EPHB2: variants seen among roughly 807,000 people sequenced by gnomAD.
The protein encoded by EPHB2 is ephrin type-B receptor 2.
Under a neutral mutation model 96.4 loss-of-function variants are expected in EPHB2, and 18 were observed. The ratio of observed to expected loss-of-function variants is 0.19; its 90% CI spans 0.13 to 0.28. The LOEUF (loss-of-function observed/expected upper bound fraction) is 0.28, where lower values mean the gene tolerates loss of function less well. Ranked by LOEUF, EPHB2 falls within the 10% of genes least tolerant of loss-of-function variation. The pLI is 1.00. For synonymous variants in EPHB2, 506 were observed against 534.1 expected, an observed-to-expected ratio of 0.95 and a Z score of 0.72; for missense variants, 989 against 1,355.4, an observed-to-expected ratio of 0.73 and a Z score of 4.25.
At chr1:22,729,922 T>C (rs1033849437) in intron 1 of EPHB2, among the ~76,000 whole-genome samples, 1 of 152,214 alleles carries the variant, frequency 6.6e-6, no homozygotes, top group Admixed American at 6.5e-5. Context: ...AATGAATGAA[T>C]GCACGGCTCT....
intron 3 of EPHB2, among the ~76,000 whole-genome samples, chr1:22,815,377 A>G (rs1463310775): frequency 6.6e-6 from 1 of 152,266 alleles, no homozygotes; most frequent in Admixed American, 6.5e-5. Flanking sequence ...CAAGGCCCAT[A>G]GAAAAGAAAT....
chr1:22,755,509 T>A (rs4655100), intron 1 of EPHB2, among the ~76,000 whole-genome samples: 1 of 152,042 alleles, frequency 6.6e-6, no homozygotes, highest in African/African-American at 2.4e-5. Context: ...TGGCCCATGC[T>A]CCCAGGGTGA....
chr1:22,897,167 C>T (rs890218000), intron 9 of EPHB2, among the ~76,000 whole-genome samples: 2 of 152,102 alleles, frequency 1.3e-5, no homozygotes, highest in Admixed American at 1.3e-4. Flanking sequence ...GATGTATGTG[C>T]CACACACACA....
At chr1:22,760,725 C>A (rs1644223776) in intron 1 of EPHB2, among the ~76,000 whole-genome samples, 1 of 152,300 alleles carries the variant, frequency 6.6e-6, no homozygotes, top group Non-Finnish European at 1.5e-5. Context: ...TCCTCTGCTG[C>A]TGTAACCCAT....
At chr1:22,827,950 G>C (rs1382187916) in intron 3 of EPHB2, among the ~76,000 whole-genome samples, 1 of 152,244 alleles carries the variant, frequency 6.6e-6, no homozygotes, top group Non-Finnish European at 1.5e-5. Flanking sequence ...TACAGAGACA[G>C]AGCCAGGGCT....
rs1018016459 is a variant in EPHB2 at position 22,858,449 on chromosome 1, C to G, written c.812-4588C>G. ...GAGCAGAGACCCATTCGATGGCTCT[C>G]TCTGTCATTATTCCATGCAGGGATC... On this transcript the variant is annotated intron_variant, in intron 3 of 15. Coordinates refer to ENST00000374630, the MANE Select transcript of EPHB2 (RefSeq NM_017449.5). The surrounding 1 kb of genome is among the most constrained non-coding windows in gnomAD (Gnocchi z 7.7). Among the ~76,000 whole-genome samples the G allele has an allele frequency of 6.6e-6, 1 of 152,184 alleles. No individual in the cohort carries two copies. The highest frequency in any genetic ancestry group is 1.5e-5 in the Non-Finnish European group (1 of 68,034).
chr1:22,807,001 G>A (rs560945577), intron 3 of EPHB2, among the ~76,000 whole-genome samples: 30 of 152,320 alleles, frequency 2.0e-4, no homozygotes, highest in African/African-American at 6.5e-4. Flanking sequence ...GGAAGGATGG[G>A]AACGCTTCCC....
At chr1:22,898,669 G>A (rs939966556) in intron 9 of EPHB2, among the ~76,000 whole-genome samples, 4 of 152,144 alleles carry the variant, frequency 2.6e-5, no homozygotes, top group Admixed American at 6.5e-5. Flanking sequence ...ATGGACCAAC[G>A]GGGCTGATGC....
At chr1:22,728,956 TTCCAGCTGCACGC>T (rs1361187890) in intron 1 of EPHB2, among the ~76,000 whole-genome samples, 3 of 152,260 alleles carry the variant, frequency 2.0e-5, no homozygotes, top group African/African-American at 7.2e-5. Flanking sequence ...AGGTGCGAGG[TTCCAGCTGCACGC>T]GGCGGGCCAG....
At chr1:22,851,982 A>G (rs537748661) in intron 3 of EPHB2, among the ~76,000 whole-genome samples, 1 of 152,300 alleles carries the variant, frequency 6.6e-6, no homozygotes, top group Non-Finnish European at 1.5e-5. Flanking sequence ...AAGACAATAG[A>G]ATGAAGAGGC....
intron 3 of EPHB2, among the ~76,000 whole-genome samples, chr1:22,792,613 C>T (rs1644710770): frequency 6.6e-6 from 1 of 152,174 alleles, no homozygotes; most frequent in African/African-American, 2.4e-5. Flanking sequence ...GTCCATGATA[C>T]ATCCATCCAT....
intron 1 of EPHB2, among the ~76,000 whole-genome samples, chr1:22,741,005 C>T (rs943961443): frequency 5.3e-5 from 8 of 152,100 alleles, no homozygotes; most frequent in Non-Finnish European, 7.4e-5. Context: ...CGGGGATTGA[C>T]GATCCAGCTT....
intron 1 of EPHB2, among the ~76,000 whole-genome samples, chr1:22,766,742 C>T (rs1006517034): frequency 6.6e-6 from 1 of 152,180 alleles, no homozygotes; most frequent in Non-Finnish European, 1.5e-5. Flanking sequence ...TGGTGAGATG[C>T]TTGAGGTTCC....
intron 5 of EPHB2, among the ~76,000 whole-genome samples, chr1:22,866,306 C>T (rs1043559962): frequency 6.6e-6 from 1 of 152,092 alleles, no homozygotes; most frequent in African/African-American, 2.4e-5. Context: ...ACTGGGCTCC[C>T]GAGCTGATCT....
intron 6 of EPHB2, chr1:22,891,088 C>A: frequency 2.2e-6 from 1 of 455,980 alleles, no homozygotes; most frequent in Non-Finnish European, 4.4e-6. Flanking sequence ...ATTATCTGAA[C>A]AAACTCTGAG....
In EPHB2 at chr1:22,716,679, C is replaced by T. The variant is rs988099947; in HGVS notation, c.61+5636C>T. ...GGGCCAGTTTGCTGGGCATTCAGCC[C>T]GTGGTAGCCTCTGGTCAACTCTGCC... On this transcript the variant is annotated intron_variant, in intron 1 of 15. Coordinates refer to ENST00000374630, the MANE Select transcript of EPHB2 (RefSeq NM_017449.5). Among the ~76,000 whole-genome samples, 4 of 152,194 alleles carry T rather than the reference C, an allele frequency of 2.6e-5. No homozygotes were observed. The East Asian group carries it at 7.7e-4, about 29-fold the overall frequency.
At chr1:22,748,011 C>G (rs75677049) in intron 1 of EPHB2, among the ~76,000 whole-genome samples, 1 of 152,262 alleles carries the variant, frequency 6.6e-6, no homozygotes, top group African/African-American at 2.4e-5. Context: ...TAGCTGAGAA[C>G]GAGTATGACT....
chr1:22,812,492 G>A (rs1307969906), intron 3 of EPHB2, among the ~76,000 whole-genome samples: 3 of 152,154 alleles, frequency 2.0e-5, no homozygotes, highest in South Asian at 4.1e-4. Context: ...AGACCCACCC[G>A]GTTGAGTGGG....
intron 1 of EPHB2, among the ~76,000 whole-genome samples, chr1:22,777,915 A>C (rs1354575174): frequency 2.6e-5 from 4 of 152,248 alleles, no homozygotes; most frequent in Admixed American, 1.3e-4. Flanking sequence ...CTGGGCTCCA[A>C]GCTGCTATAC....
Sources: allele counts gnomAD v4.1 joint callset (sites outside exome capture counted in the v4.1 genomes callset), GRCh38; gene constraint gnomAD v4.1.1; non-coding constraint Gnocchi (gnomAD v3.1); transcripts MANE v1.5; gene names NCBI Gene and HGNC (gene_info 2026-07-23, HGNC 2026-07-21).